The following LARP1B variants were observed in gnomAD, a reference collection of about 807,000 sequenced individuals.
The protein encoded by LARP1B is la-related protein 1B.
A neutral mutation model predicts 114.2 loss-of-function variants in LARP1B; 76 were observed. The observed-to-expected ratio is 0.67, with a 90% CI of 0.55 to 0.81. The LOEUF is 0.81. Ranked by LOEUF, LARP1B falls within the 30% of genes least tolerant of loss-of-function variation. LARP1B has a pLI of 0.00. For missense variants in LARP1B, 1,014 were observed against 1,075.8 expected (o/e 0.94, Z 0.80); for synonymous variants, 345 against 348.0 (o/e 0.99, Z 0.10).
rs911393718 is a variant in LARP1B at position 128,103,021 on chromosome 4, C to T, written c.814-4118C>T. Among the ~76,000 whole-genome samples, 4 of 152,108 alleles carry T rather than the reference C, an allele frequency of 2.6e-5. No homozygotes were observed. The East Asian group carries it at 7.7e-4, about 29-fold the overall frequency. ...GTAAGAATGCAACATCTATGTATTC[C>T]GGCATTGGTAGTTATTCATAGTAGT... On this transcript the variant is annotated intron_variant, in intron 8 of 19. Transcript: ENST00000326639.
intron 11 of LARP1B, among the ~76,000 whole-genome samples, chr4:128,156,820 A>G (rs910215855): frequency 7.0e-6 from 1 of 143,414 alleles, no homozygotes; most frequent in African/African-American, 2.5e-5. Flanking sequence ...TAAAGAGAGT[A>G]TTTTTATACA....
chr4:128,192,188 T>C (rs1752512516), intron 15 of LARP1B, among the ~76,000 whole-genome samples: 3 of 152,246 alleles, frequency 2.0e-5, no homozygotes, highest in African/African-American at 7.2e-5. Flanking sequence ...TAAGTCATAA[T>C]GCTATTGCAC....
chr4:128,182,025 G>A (rs1748632726), intron 15 of LARP1B, among the ~76,000 whole-genome samples: 1 of 150,490 alleles, frequency 6.6e-6, no homozygotes, highest in Admixed American at 6.6e-5. Context: ...TGTTAGCCAG[G>A]ATGGTCTCAA....
chr4:128,207,085 C>T (rs904733492), intron 18 of LARP1B, among the ~76,000 whole-genome samples, 171 bp from the exon 19 acceptor site: 5 of 152,140 alleles, frequency 3.3e-5, no homozygotes, highest in African/African-American at 9.7e-5. Flanking sequence ...AACAAATGCT[C>T]AATAAATATT....
chr4:128,169,089 C>T lies in LARP1B; in HGVS notation c.1648+6772C>T, dbSNP rs551944884. On this transcript the variant is annotated intron_variant, in intron 12 of 19. Transcript: ENST00000326639. ...ATGCTCTTTTTCTCCTTTTACTGTT[C>T]GTAGGTTCTGTAGAGATATCTCTTC... 2.0e-5 allele frequency among the ~76,000 whole-genome samples: 3 copies of T among 152,014 alleles called. No homozygotes were observed. The East Asian group carries it at 5.8e-4, about 29-fold the overall frequency.
At chr4:128,140,638 G>A (rs977634016) in intron 11 of LARP1B, among the ~76,000 whole-genome samples, 12 of 152,024 alleles carry the variant, frequency 7.9e-5, no homozygotes, top group African/African-American at 2.7e-4. Context: ...ACATGAATGC[G>A]TTATAAGTTG....
At chr4:128,140,824 G>GTTGT (rs55639320) in intron 11 of LARP1B, among the ~76,000 whole-genome samples, 1 of 138,604 alleles carries the variant, frequency 7.2e-6, no homozygotes, top group African/African-American at 2.6e-5. Flanking sequence ...AATTGTCTCT[G>GTTGT]TTTTTTTTTT....
At chr4:128,192,915 C>T (rs926764213) in intron 15 of LARP1B, among the ~76,000 whole-genome samples, 3 of 151,996 alleles carry the variant, frequency 2.0e-5, no homozygotes, top group Non-Finnish European at 2.9e-5. Context: ...TTACTGCAGT[C>T]TCAAACTCCT....
intron 1 of LARP1B, among the ~76,000 whole-genome samples, chr4:128,067,368 C>A (rs938211794): frequency 3.9e-5 from 6 of 152,138 alleles, no homozygotes; most frequent in Non-Finnish European, 7.3e-5. Context: ...TAAAGGAATT[C>A]CATCCACAGA....
At chr4:128,098,764 TA>T (rs1561200479) in intron 8 of LARP1B, among the ~76,000 whole-genome samples, 2 of 40,758 alleles carry the variant, frequency 4.9e-5, no homozygotes, top group African/African-American at 1.9e-4. Context: ...TATATATATA[TA>T]TATTTTTTTT....
At chr4:128,077,653 A>G (rs1768534651) in intron 3 of LARP1B, 135 bp from the exon 4 acceptor site, 1 of 880,394 alleles carries the variant, frequency 1.1e-6, no homozygotes, top group African/African-American at 1.7e-5. Context: ...GTCTTTTGAA[A>G]AGTAATTTTT....
At chr4:128,084,169 G>A (rs1431566230) in intron 5 of LARP1B, among the ~76,000 whole-genome samples, 1 of 151,086 alleles carries the variant, frequency 6.6e-6, no homozygotes, top group South Asian at 2.1e-4. Flanking sequence ...GGCTCCTCAC[G>A]TCCCAGACAA....
intron 16 of LARP1B, 98 bp downstream of exon 16, chr4:128,199,697 T>C (rs1755323990): frequency 1.9e-6 from 1 of 536,340 alleles, no homozygotes; most frequent in Admixed American, 4.4e-5. Flanking sequence ...TAAGATATTC[T>C]TTTATTGTTA....
Position 128,200,638 on chromosome 4 carries a change from C to T in LARP1B, c.2282C>T (p.Ala761Val). Residue 761 changes from alanine to valine, a missense_variant, in exon 17 of 20, where the codon GCT (alanine) becomes GTT (valine). Transcript: ENST00000326639. Reference protein sequence around the residue: ...KKMYEEFRQLAWEDAKENYRY... With the variant: ...KKMYEEFRQLVWEDAKENYRY... ...ATGTATGAGGAATTTAGACAACTTG[C>T]TTGGGAAGATGCAAAAGAAAATTAC... The T allele has an allele frequency of 6.3e-7, 1 of 1,581,710 alleles. No individual in the cohort carries two copies. The highest frequency in any genetic ancestry group is 8.6e-7 in the Non-Finnish European group (1 of 1,167,498).
chr4:128,074,136 C>G (rs927581139), intron 1 of LARP1B, among the ~76,000 whole-genome samples: 1 of 151,926 alleles, frequency 6.6e-6, no homozygotes, highest in Non-Finnish European at 1.5e-5. Context: ...GACGGGGTTT[C>G]TCCATGTTGG....
chr4:128,181,665 AGT>A (rs1748430570), intron 15 of LARP1B, among the ~76,000 whole-genome samples: 2 of 152,006 alleles, frequency 1.3e-5, no homozygotes, highest in African/African-American at 4.8e-5. Flanking sequence ...TTTTTCACAA[AGT>A]GAAGGTTTGT....
upstream of LARP1B, among the ~76,000 whole-genome samples, chr4:128,060,972 C>T (rs1759929684): frequency 6.6e-6 from 1 of 152,112 alleles, no homozygotes; most frequent in African/African-American, 2.4e-5. Flanking sequence ...GCCATGTGCG[C>T]GGCCCGCCCA....
intron 9 of LARP1B, chr4:128,107,618 C>A (rs1249084386): frequency 7.2e-7 from 1 of 1,394,792 alleles, no homozygotes; most frequent in Non-Finnish European, 9.3e-7. Context: ...ATCGTTTTCC[C>A]CTGTAAAATT....
At chr4:128,217,091 A>G (rs1480664735) in intron 6 of LARP1B, among the ~76,000 whole-genome samples, 4 of 150,340 alleles carry the variant, frequency 2.7e-5, no homozygotes, top group East Asian at 3.9e-4. Flanking sequence ...AGACTAAACC[A>G]GGAAGAAATT....
Sources: gnomAD v4.1 joint callset for allele counts (sites outside exome capture counted in the v4.1 genomes callset) on GRCh38, gnomAD v4.1.1 for gene constraint, MANE v1.5 for transcripts, NCBI Gene and HGNC (gene_info 2026-07-23, HGNC 2026-07-21) for gene names.